FAM107B: variants seen among roughly 807,000 people sequenced by gnomAD.
FAM107B encodes the protein protein FAM107B.
In FAM107B, 21 loss-of-function variants were observed where a neutral mutation model predicts 31.5. That is an observed-to-expected ratio of 0.67 (90% CI 0.47 to 0.96). The LOEUF is 0.96. FAM107B is among the 40% of genes least tolerant of loss of function. The pLI is 0.00. For missense variants in FAM107B, 452 were observed against 377.1 expected (o/e 1.20, Z -1.64); for synonymous variants, 157 against 141.5 (o/e 1.11, Z -0.78).
chr10:14,576,305 G>A (rs1380901586), intron 2 of FAM107B, among the ~76,000 whole-genome samples: 2 of 152,186 alleles, frequency 1.3e-5, no homozygotes, highest in Non-Finnish European at 2.9e-5. Flanking sequence ...GAGGCGGGTG[G>A]ATCACGAGGT....
intron 2 of FAM107B, among the ~76,000 whole-genome samples, chr10:14,633,884 T>C (rs1853429641): frequency 6.6e-6 from 1 of 152,208 alleles, no homozygotes; most frequent in Non-Finnish European, 1.5e-5. Context: ...TTCTGGTCAA[T>C]CATTACATCA....
chr10:14,658,072 A>G (rs971870881), intron 2 of FAM107B, among the ~76,000 whole-genome samples: 3 of 152,170 alleles, frequency 2.0e-5, no homozygotes, highest in African/African-American at 4.8e-5. Flanking sequence ...TCGGCCCCCC[A>G]AAGTGCTGGG....
At chr10:14,712,971 G>A (rs1448881065) in intron 1 of FAM107B, among the ~76,000 whole-genome samples, 1 of 152,056 alleles carries the variant, frequency 6.6e-6, no homozygotes, top group Non-Finnish European at 1.5e-5. Flanking sequence ...TTCCTACACT[G>A]CAAGCTTCTG....
chr10:14,710,762 T>C (rs944660077), intron 1 of FAM107B, among the ~76,000 whole-genome samples: 4 of 152,054 alleles, frequency 2.6e-5, no homozygotes, highest in African/African-American at 9.7e-5. Flanking sequence ...TTATAGAGTA[T>C]GGATATAAAG....
intron 2 of FAM107B, among the ~76,000 whole-genome samples, chr10:14,570,542 C>A (rs932081560): frequency 6.6e-6 from 1 of 152,204 alleles, no homozygotes; most frequent in Admixed American, 6.5e-5. Context: ...TGGCTGACGC[C>A]TATAATCCCA....
chr10:14,536,712 T>G (rs1226951481), intron 2 of FAM107B, among the ~76,000 whole-genome samples: 1 of 152,134 alleles, frequency 6.6e-6, no homozygotes, highest in African/African-American at 2.4e-5. Context: ...CACCAAGGCT[T>G]AGAAACGACG....
chr10:14,639,419 T>C (rs61842738), intron 2 of FAM107B, among the ~76,000 whole-genome samples: 6,405 of 152,220 alleles, frequency 0.042, 193 homozygotes, highest in African/African-American at 0.086. Flanking sequence ...TTTTAAAAGA[T>C]TGTGACTCAG....
chr10:14,767,055 T>TAG (rs1186875187), intron 1 of FAM107B, among the ~76,000 whole-genome samples: 250 of 18,278 alleles, frequency 0.014, 25 homozygotes, highest in Non-Finnish European at 0.02. Flanking sequence ...TATATATATA[T>TAG]AGAGAGAGAG....
At chr10:14,717,750 C>G (rs2131545649) in intron 1 of FAM107B, among the ~76,000 whole-genome samples, 1 of 70,830 alleles carries the variant, frequency 1.4e-5, no homozygotes, top group Non-Finnish European at 2.7e-5. Flanking sequence ...CTGGCAACCC[C>G]CTCCCAGACA....
intron 1 of FAM107B, among the ~76,000 whole-genome samples, chr10:14,756,318 G>A (rs1832930179): frequency 6.6e-6 from 1 of 152,100 alleles, no homozygotes; most frequent in African/African-American, 2.4e-5. Flanking sequence ...TTTGGCTAGG[G>A]CACAGTACCT....
intron 2 of FAM107B, among the ~76,000 whole-genome samples, chr10:14,588,069 C>T (rs1393916265): frequency 6.6e-6 from 1 of 152,002 alleles, no homozygotes; most frequent in Non-Finnish European, 1.5e-5. Flanking sequence ...CCATATTAAT[C>T]GACGTGACGT....
intron 2 of FAM107B, among the ~76,000 whole-genome samples, chr10:14,587,060 G>C (rs1588636386): frequency 6.6e-6 from 1 of 152,172 alleles, no homozygotes; most frequent in Non-Finnish European, 1.5e-5. Context: ...CCTTGGGGGA[G>C]CAGACACTAA....
chr10:14,607,149 G>A (rs148177162), intron 2 of FAM107B, among the ~76,000 whole-genome samples: 508 of 152,250 alleles, frequency 3.3e-3, no homozygotes, highest in African/African-American at 0.012. Flanking sequence ...TAGAAACAAA[G>A]GCTCGTTCCA....
rs189758509 is a variant in FAM107B at position 14,528,250 on chromosome 10, C to T, written c.653+2082G>A. ...AGGCTGGAATGCACTGGCACAATCT[C>T]GGCTCACTGCAACCTCCACCTCCCA... On this transcript the variant is annotated intron_variant, in intron 3 of 4. Coordinates refer to ENST00000181796, the MANE Select transcript of FAM107B (RefSeq NM_031453.4). 8.4e-3 allele frequency among the ~76,000 whole-genome samples: 1,195 copies of T among 142,180 alleles called. 10 individuals are homozygous for T. Among genetic ancestry groups the T allele is most frequent in the Non-Finnish European group, 0.011 (732 of 66,564 alleles). The allele number at this position is 142,180 out of a possible 152,430, so 93.3% of individuals were successfully genotyped here.
At chr10:14,688,243 C>T (rs1855037334) in intron 1 of FAM107B, among the ~76,000 whole-genome samples, 1 of 152,176 alleles carries the variant, frequency 6.6e-6, no homozygotes, top group South Asian at 2.1e-4. Context: ...GGCCTTTGGC[C>T]ACAGACTGAA....
chr10:14,774,580 G>C lies in FAM107B; in HGVS notation c.84C>G (p.Leu28=), dbSNP rs148396147. 1.1e-5 allele frequency: 17 copies of C among 1,614,064 alleles called. No homozygotes were observed. The South Asian group carries it at 1.9e-4, about 18-fold the overall frequency. Residue 28 remains leucine (L), a synonymous_variant, in exon 1 of 5, where the codon CTC becomes CTG. Transcript: ENST00000181796. ...SMHPFPCSAL[L]ACFGNTRESA... ...TCTCCCTCGTATTCCCAAAACAGGCGAGCAGAGCTGAGCACGGAAATGGAT... is the reference window on the plus strand; with the variant it reads ...TCTCCCTCGTATTCCCAAAACAGGCCAGCAGAGCTGAGCACGGAAATGGAT...
At chr10:14,623,475 C>G (rs1349424309) in intron 2 of FAM107B, among the ~76,000 whole-genome samples, 1 of 152,202 alleles carries the variant, frequency 6.6e-6, no homozygotes, top group Non-Finnish European at 1.5e-5. Context: ...GAGATGGGCA[C>G]AAAGGAAGCA....
At chr10:14,587,887 G>A (rs943928310) in intron 2 of FAM107B, among the ~76,000 whole-genome samples, 2 of 152,102 alleles carry the variant, frequency 1.3e-5, no homozygotes, top group African/African-American at 4.8e-5. Context: ...CAGAGGGTTA[G>A]GTGTTCTCCA....
intron 2 of FAM107B, among the ~76,000 whole-genome samples, chr10:14,533,769 T>C (rs538665895): frequency 7.2e-5 from 11 of 152,330 alleles, no homozygotes; most frequent in African/African-American, 2.6e-4. Context: ...ATGACTTTAG[T>C]TCTGAATCTA....
Sources: allele counts gnomAD v4.1 joint callset (sites outside exome capture counted in the v4.1 genomes callset), GRCh38; gene constraint gnomAD v4.1.1; transcripts MANE v1.5; gene names NCBI Gene and HGNC (gene_info 2026-07-23, HGNC 2026-07-21).